TYW1B: variants seen among roughly 807,000 people sequenced by gnomAD.
TYW1B encodes S-adenosyl-L-methionine-dependent tRNA 4-demethylwyosine synthase TYW1B.
Under a neutral mutation model 86.9 loss-of-function variants are expected in TYW1B, and 73 were observed. That is an observed-to-expected ratio of 0.84 (90% CI 0.70 to 1.02). TYW1B has a LOEUF of 1.02. Ranked by LOEUF, TYW1B falls within the 50% of genes least tolerant of loss-of-function variation. TYW1B has a pLI of 0.00. For missense variants in TYW1B, 637 were observed against 827.4 expected, an observed-to-expected ratio of 0.77 and a Z score of 2.82; for synonymous variants, 248 against 292.8, an observed-to-expected ratio of 0.85 and a Z score of 1.56.
chr7:72,778,120 CTAAG>C (rs1174759361), intron 6 of TYW1B, among the ~76,000 whole-genome samples: 2 of 152,120 alleles, frequency 1.3e-5, no homozygotes, highest in Non-Finnish European at 1.5e-5. Context: ...ATTCACTTAA[CTAAG>C]TGTCAAACAT....
intron 13 of TYW1B, among the ~76,000 whole-genome samples, chr7:72,591,260 G>A (rs1203852179): frequency 8.6e-5 from 13 of 151,984 alleles, no homozygotes; most frequent in Admixed American, 1.3e-4. Flanking sequence ...GACAGAAGAC[G>A]ACAGAGAGAA....
intron 10 of TYW1B, among the ~76,000 whole-genome samples, chr7:72,706,694 C>T (rs1814624334): frequency 6.6e-6 from 1 of 152,166 alleles, no homozygotes; most frequent in Non-Finnish European, 1.5e-5. Flanking sequence ...AGCCTCAGGG[C>T]TGAAGAAACA....
intron 8 of TYW1B, among the ~76,000 whole-genome samples, chr7:72,743,856 AAAAG>A (rs1234249639): frequency 6.6e-6 from 1 of 151,736 alleles, no homozygotes; most frequent in African/African-American, 2.4e-5. Flanking sequence ...AAAAAAAAAA[AAAAG>A]AAAGAAAAGA....
intron 10 of TYW1B, among the ~76,000 whole-genome samples, chr7:72,705,277 A>G (rs1425198536): frequency 6.6e-6 from 1 of 152,260 alleles, no homozygotes; most frequent in African/African-American, 2.4e-5. Flanking sequence ...CATCCAGTTT[A>G]TAGAGGTTCT....
At position 72,811,853 on chromosome 7, in the gene TYW1B, AG is replaced by A. The variant is rs1471183002; in HGVS notation, c.238-1189del. ...CTTTAGCCCAGGAGGCAGAGGCTGC[AG>A]TGGGCCACAATCACACCCCTGCACA... On this transcript the variant is annotated intron_variant, in intron 3 of 13. Coordinates refer to ENST00000620995, the MANE Select transcript of TYW1B (RefSeq NM_001145440.3). 4.7e-5 allele frequency among the ~76,000 whole-genome samples: 7 copies of A among 150,186 alleles called. No homozygotes were observed. The Admixed American group carries it at 4.7e-4, about 10-fold the overall frequency.
chr7:72,717,300 GGA>G (rs1491351498), intron 9 of TYW1B, among the ~76,000 whole-genome samples: 7 of 147,928 alleles, frequency 4.7e-5, no homozygotes, highest in African/African-American at 1.8e-4. Flanking sequence ...GACCCTGTCT[GGA>G]AAAAAAAAAA....
chr7:72,783,488 A>G (rs1346288726), intron 6 of TYW1B, among the ~76,000 whole-genome samples: 5 of 152,052 alleles, frequency 3.3e-5, no homozygotes, highest in Admixed American at 3.3e-4. Context: ...AAAAGGAGTC[A>G]CGGTAAAAAA....
intron 6 of TYW1B, among the ~76,000 whole-genome samples, chr7:72,798,205 C>T (rs1554474837): frequency 3.9e-5 from 6 of 151,984 alleles, no homozygotes; most frequent in Non-Finnish European, 1.5e-5. Flanking sequence ...AGATCGAGAC[C>T]ACGGTGAAAC....
chr7:72,585,457 T>C (rs1177676109), intron 13 of TYW1B, among the ~76,000 whole-genome samples: 1 of 152,190 alleles, frequency 6.6e-6, no homozygotes, highest in African/African-American at 2.4e-5. Flanking sequence ...AAAAAGCAAA[T>C]GGTCAGAACC....
At chr7:72,750,971 T>C (rs1213710587) in intron 7 of TYW1B, among the ~76,000 whole-genome samples, 1 of 152,112 alleles carries the variant, frequency 6.6e-6, no homozygotes, top group Non-Finnish European at 1.5e-5. Flanking sequence ...TGCCACGCAA[T>C]CTCTAAGGCT....
chr7:72,644,276 G>A (rs782023662), intron 11 of TYW1B, among the ~76,000 whole-genome samples: 2 of 152,190 alleles, frequency 1.3e-5, no homozygotes, highest in Non-Finnish European at 2.9e-5. Context: ...TAGGTAGGGG[G>A]CTGGGGCTCA....
chr7:72,706,669 T>C (rs1220137418), intron 10 of TYW1B, among the ~76,000 whole-genome samples: 2 of 152,154 alleles, frequency 1.3e-5, no homozygotes, highest in Non-Finnish European at 2.9e-5. Context: ...CTCTGACAAA[T>C]GGCAGATGAC....
chr7:72,710,768 A>C (rs1786637960), intron 10 of TYW1B, among the ~76,000 whole-genome samples: 2 of 152,224 alleles, frequency 1.3e-5, no homozygotes, highest in Non-Finnish European at 2.9e-5. Flanking sequence ...AGATTGTGCC[A>C]CTGCACTCCA....
At chr7:72,596,423 G>C (rs1811534131) in intron 13 of TYW1B, among the ~76,000 whole-genome samples, 3 of 152,092 alleles carry the variant, frequency 2.0e-5, no homozygotes, top group Admixed American at 2.0e-4. Context: ...AAAACAGTGT[G>C]ATACTGGCAT....
intron 11 of TYW1B, among the ~76,000 whole-genome samples, chr7:72,656,277 C>T (rs1227376516): frequency 7.9e-5 from 12 of 152,064 alleles, no homozygotes; most frequent in Admixed American, 7.9e-4. Context: ...TACTACCCAA[C>T]CAACAGTATA....
intron 3 of TYW1B, among the ~76,000 whole-genome samples, chr7:72,812,321 C>T (rs1363868506): frequency 2.6e-5 from 4 of 152,122 alleles, no homozygotes; most frequent in South Asian, 2.1e-4. Flanking sequence ...CTTGACCCAT[C>T]ACAGGAGGTC....
At chr7:72,643,821 T>G (rs1338586630) in intron 11 of TYW1B, among the ~76,000 whole-genome samples, 2 of 152,140 alleles carry the variant, frequency 1.3e-5, no homozygotes, top group Non-Finnish European at 2.9e-5. Flanking sequence ...CCTACAATTA[T>G]TTATGGTGTT....
At chr7:72,690,772 A>C (rs577890976) in intron 11 of TYW1B, among the ~76,000 whole-genome samples, 38 of 151,926 alleles carry the variant, frequency 2.5e-4, no homozygotes, top group Non-Finnish European at 5.0e-4. Context: ...ATTTTGAGAC[A>C]GTCTCGCTCT....
chr7:72,708,040 C>G (rs1468175789), intron 10 of TYW1B, among the ~76,000 whole-genome samples: 1 of 152,228 alleles, frequency 6.6e-6, no homozygotes, highest in Non-Finnish European at 1.5e-5. Context: ...TGCCGTGCTT[C>G]CTCTACAACC....
Sources: gnomAD v4.1 joint callset for allele counts (sites outside exome capture counted in the v4.1 genomes callset) on GRCh38, gnomAD v4.1.1 for gene constraint, MANE v1.5 for transcripts, NCBI Gene and HGNC (gene_info 2026-07-23, HGNC 2026-07-21) for gene names.